The following CCSER1 variants were observed in gnomAD, a reference collection of about 807,000 sequenced individuals.
The protein encoded by CCSER1 is coiled-coil serine rich protein 1, also known as serine-rich coiled-coil domain-containing protein 1.
Under a neutral mutation model 82.0 loss-of-function variants are expected in CCSER1, and 41 were observed. The ratio of observed to expected loss-of-function variants is 0.50; its 90% confidence interval spans 0.39 to 0.65. The LOEUF (loss-of-function observed/expected upper bound fraction) is 0.65, where lower values mean the gene tolerates loss of function less well. CCSER1 is among the 30% of genes least tolerant of loss of function. The pLI is 0.00. For synonymous variants in CCSER1, 414 were observed against 383.9 expected, an observed-to-expected ratio of 1.08 and a Z score of -0.92; for missense variants, 1,119 against 1,064.2, an observed-to-expected ratio of 1.05 and a Z score of -0.72.
intron 5 of CCSER1, among the ~76,000 whole-genome samples, chr4:90,515,456 G>T (rs1205059625): frequency 6.6e-6 from 1 of 152,154 alleles, no homozygotes; most frequent in Non-Finnish European, 1.5e-5. Flanking sequence ...TTATCAGAAA[G>T]AGCAGGTTAC....
intron 10 of CCSER1, among the ~76,000 whole-genome samples, chr4:91,541,007 T>C (rs1401207957): frequency 6.6e-6 from 1 of 152,172 alleles, no homozygotes; most frequent in African/African-American, 2.4e-5. Context: ...ATTTTCAATA[T>C]TGAATTGGCT....
At chr4:90,550,684 A>G (rs987933179) in intron 5 of CCSER1, among the ~76,000 whole-genome samples, 1 of 152,190 alleles carries the variant, frequency 6.6e-6, no homozygotes, top group African/African-American at 2.4e-5. Flanking sequence ...TCATAATTGA[A>G]AAAGAAGGAA....
rs1050829057 is a variant in CCSER1 at position 90,608,569 on chromosome 4, C to T, written c.1725-19456C>T. On this transcript the variant is annotated intron_variant, in intron 5 of 10. Transcript: ENST00000509176. ...ACCAGGGAGTGGAATCTTAGAGGCC[C>T]TCTTAGAATTCTGCCTCTTATAGTA... 1.5e-4 allele frequency among the ~76,000 whole-genome samples: 23 copies of T among 152,152 alleles called. No individual in the cohort carries two copies. The South Asian group carries it at 3.1e-3, about 21-fold the overall frequency.
chr4:90,995,594 A>G (rs891702054), intron 9 of CCSER1, among the ~76,000 whole-genome samples: 13 of 152,126 alleles, frequency 8.5e-5, no homozygotes, highest in Non-Finnish European at 1.9e-4. Flanking sequence ...ATTACTTTCT[A>G]CTCACAGCCA....
chr4:91,273,495 G>A (rs1742196571), intron 10 of CCSER1, among the ~76,000 whole-genome samples: 1 of 152,074 alleles, frequency 6.6e-6, no homozygotes, highest in Admixed American at 6.6e-5. Flanking sequence ...TCAGTTCTAG[G>A]AGTTTTCTGG....
Position 90,949,659 on chromosome 4 carries a change from A to C in CCSER1, c.2172+26212A>C, listed in dbSNP as rs901718305. On this transcript the variant is annotated intron_variant, in intron 9 of 10. Transcript: ENST00000509176. ...CATTCATTTGACAAACTATGTACTGAGCAACTGTTTTGTGCCAGGTATTTC... is the reference window on the plus strand; with the variant it reads ...CATTCATTTGACAAACTATGTACTGCGCAACTGTTTTGTGCCAGGTATTTC... 7.9e-5 allele frequency among the ~76,000 whole-genome samples: 12 copies of C among 152,184 alleles called. No individual in the cohort carries two copies. The South Asian group carries it at 1.0e-3, about 13-fold the overall frequency.
intron 9 of CCSER1, among the ~76,000 whole-genome samples, chr4:90,950,032 G>C (rs1581182141): frequency 6.6e-6 from 1 of 152,098 alleles, no homozygotes; most frequent in South Asian, 2.1e-4. Context: ...GGTGATAGGA[G>C]TGATTATCTG....
intron 3 of CCSER1, among the ~76,000 whole-genome samples, chr4:90,387,210 A>G (rs887537752): frequency 3.3e-5 from 5 of 152,022 alleles, no homozygotes; most frequent in African/African-American, 1.2e-4. Context: ...ATTTGTTTTT[A>G]TTTTTCTTAA....
chr4:90,343,488 C>A (rs891896372), intron 3 of CCSER1, among the ~76,000 whole-genome samples: 1 of 151,998 alleles, frequency 6.6e-6, no homozygotes, highest in Non-Finnish European at 1.5e-5. Context: ...GGTAGTGGAG[C>A]GCGTTTGTAA....
At chr4:90,903,456 G>A (rs915188928) in intron 8 of CCSER1, among the ~76,000 whole-genome samples, 1 of 151,922 alleles carries the variant, frequency 6.6e-6, no homozygotes, top group African/African-American at 2.4e-5. Context: ...TCCCAGTCTC[G>A]GGTATGTCTT....
intron 10 of CCSER1, among the ~76,000 whole-genome samples, chr4:91,237,521 C>A (rs7663809): frequency 1.3e-5 from 2 of 151,908 alleles, no homozygotes; most frequent in African/African-American, 4.8e-5. Flanking sequence ...TTCTTTTTCT[C>A]TCAAAATTAT....
At chr4:90,475,689 CTGTAG>C (rs1488105162) in intron 5 of CCSER1, among the ~76,000 whole-genome samples, 1 of 152,062 alleles carries the variant, frequency 6.6e-6, no homozygotes, top group African/African-American at 2.4e-5. Flanking sequence ...GTCAGGGAGG[CTGTAG>C]TGTTTTTGTG....
At chr4:90,153,525 C>G (rs943675495) in intron 1 of CCSER1, among the ~76,000 whole-genome samples, 1 of 152,056 alleles carries the variant, frequency 6.6e-6, no homozygotes, top group Non-Finnish European at 1.5e-5. Context: ...GTTCCTATTT[C>G]TCCACATCCT....
chr4:90,847,839 A>C (rs751465761), intron 8 of CCSER1, among the ~76,000 whole-genome samples: 17 of 152,012 alleles, frequency 1.1e-4, no homozygotes, highest in Non-Finnish European at 2.2e-4. Context: ...TTGCTGTTTT[A>C]CTTTTTGCTA....
intron 10 of CCSER1, among the ~76,000 whole-genome samples, chr4:91,193,992 C>A (rs535612772): frequency 6.6e-6 from 1 of 152,040 alleles, no homozygotes; most frequent in Admixed American, 6.6e-5. Context: ...GTTTTTGAGA[C>A]GTAGTCTCAC....
chr4:90,204,840 C>T (rs1023940563), intron 1 of CCSER1, among the ~76,000 whole-genome samples: 1 of 152,116 alleles, frequency 6.6e-6, no homozygotes. Flanking sequence ...GGATGTTTTT[C>T]CATTTGTTTG....
At chr4:90,684,337 A>G (rs1734423781) in intron 6 of CCSER1, among the ~76,000 whole-genome samples, 1 of 152,174 alleles carries the variant, frequency 6.6e-6, no homozygotes, top group South Asian at 2.1e-4. Flanking sequence ...ATAAATATCC[A>G]TATCTTCTGA....
At chr4:90,623,416 C>A (rs564216188) in intron 5 of CCSER1, among the ~76,000 whole-genome samples, 3 of 152,092 alleles carry the variant, frequency 2.0e-5, no homozygotes, top group South Asian at 4.2e-4. Flanking sequence ...CACATTTCAG[C>A]GCCTGAATGA....
intron 1 of CCSER1, among the ~76,000 whole-genome samples, chr4:90,232,440 A>T (rs1744792423): frequency 6.6e-6 from 1 of 152,154 alleles, no homozygotes; most frequent in Non-Finnish European, 1.5e-5. Flanking sequence ...CTGAAACTGG[A>T]TCCCTTCCTT....
Sources: gnomAD v4.1 joint callset for allele counts (sites outside exome capture counted in the v4.1 genomes callset) on GRCh38, gnomAD v4.1.1 for gene constraint, MANE v1.5 for transcripts, NCBI Gene and HGNC (gene_info 2026-07-23, HGNC 2026-07-21) for gene names.